ZNF385D: variants seen among roughly 807,000 people sequenced by gnomAD.
The protein encoded by ZNF385D is zinc finger protein 659.
A neutral mutation model predicts 35.8 loss-of-function variants in ZNF385D; 15 were observed. The ratio of observed to expected loss-of-function variants is 0.42; its 90% CI spans 0.28 to 0.64. The LOEUF (loss-of-function observed/expected upper bound fraction) is 0.64. Among genes scored for constraint, ZNF385D ranks in the 30% least tolerant of loss-of-function variants. The pLI, the probability that ZNF385D is intolerant of heterozygous loss-of-function variation, is 0.23. For missense variants in ZNF385D, 474 were observed against 494.6 expected (o/e 0.96, Z 0.39); for synonymous variants, 212 against 186.8 (o/e 1.13, Z -1.10).
At chr3:22,014,841 C>A (rs1455307042) in intron 3 of ZNF385D, among the ~76,000 whole-genome samples, 2 of 151,968 alleles carry the variant, frequency 1.3e-5, no homozygotes, top group African/African-American at 2.4e-5. Context: ...AAAAGTAATT[C>A]TTTGTAAACT....
At chr3:21,553,614 T>G (rs999521911) in intron 3 of ZNF385D, among the ~76,000 whole-genome samples, 1 of 152,188 alleles carries the variant, frequency 6.6e-6, no homozygotes, top group Non-Finnish European at 1.5e-5. Context: ...TAGAACTCTT[T>G]TCACAAAATA....
chr3:22,125,960 G>C (rs1340991815), intron 3 of ZNF385D, among the ~76,000 whole-genome samples: 1 of 152,050 alleles, frequency 6.6e-6, no homozygotes, highest in Non-Finnish European at 1.5e-5. Context: ...TTGAATAACA[G>C]TGGTGACAGT....
upstream of ZNF385D, among the ~76,000 whole-genome samples, chr3:21,752,891 G>A (rs1203435789): frequency 6.6e-6 from 1 of 152,128 alleles, no homozygotes; most frequent in Non-Finnish European, 1.5e-5. Context: ...TCAGGCAAAA[G>A]AACCATCTGT....
chr3:22,066,473 T>TGTGG (rs201478894), intron 3 of ZNF385D, among the ~76,000 whole-genome samples: 10,719 of 143,548 alleles, frequency 0.075, 672 homozygotes, highest in Admixed American at 0.15. Context: ...TGTGTGTGTG[T>TGTGG]GTGTGTGTGT....
chr3:21,639,588 T>C (rs1381245128), intron 2 of ZNF385D, among the ~76,000 whole-genome samples: 1 of 152,038 alleles, frequency 6.6e-6, no homozygotes, highest in Non-Finnish European at 1.5e-5. Context: ...ATTTGAAGAT[T>C]CCCTCATTGG....
intron 5 of ZNF385D, among the ~76,000 whole-genome samples, chr3:21,432,763 T>G (rs1283327201): frequency 1.4e-5 from 2 of 142,862 alleles, no homozygotes; most frequent in African/African-American, 5.3e-5. Flanking sequence ...ACTAGTTAGC[T>G]CAAAAGAGGT....
At chr3:22,293,812 C>T (rs547945918) in intron 2 of ZNF385D, among the ~76,000 whole-genome samples, 14 of 152,122 alleles carry the variant, frequency 9.2e-5, no homozygotes, top group Admixed American at 2.6e-4. Flanking sequence ...ACTACTGAAT[C>T]AGTATCCCTG....
intron 2 of ZNF385D, among the ~76,000 whole-genome samples, chr3:22,235,125 ATGTG>A (rs920734964): frequency 2.0e-5 from 3 of 151,864 alleles, no homozygotes; most frequent in Admixed American, 2.0e-4. Flanking sequence ...ATGTATGTGT[ATGTG>A]TGTGTGTGCA....
chr3:21,619,622 A>G (rs1304148058), intron 2 of ZNF385D, among the ~76,000 whole-genome samples: 1 of 152,140 alleles, frequency 6.6e-6, no homozygotes, highest in Non-Finnish European at 1.5e-5. Flanking sequence ...TTCCGTTAGA[A>G]ACTCCTTGAG....
At chr3:21,534,292 A>G (rs2061988285) in intron 3 of ZNF385D, among the ~76,000 whole-genome samples, 2 of 152,024 alleles carry the variant, frequency 1.3e-5, no homozygotes, top group Non-Finnish European at 2.9e-5. Flanking sequence ...TAGGTGCAAA[A>G]CTGAAACATT....
intron 3 of ZNF385D, among the ~76,000 whole-genome samples, chr3:21,987,718 C>T (rs1228796516): frequency 6.9e-6 from 1 of 145,906 alleles, no homozygotes; most frequent in Non-Finnish European, 1.5e-5. Context: ...ATTGGCCTGC[C>T]TTGCTAGGTT....
At chr3:21,691,452 C>A (rs1017014573) in intron 1 of ZNF385D, among the ~76,000 whole-genome samples, 2 of 152,084 alleles carry the variant, frequency 1.3e-5, no homozygotes, top group Non-Finnish European at 2.9e-5. Flanking sequence ...TACAAATCAC[C>A]CGTCAGACAC....
chr3:21,587,759 C>G (rs2063854182), intron 2 of ZNF385D, among the ~76,000 whole-genome samples: 1 of 151,994 alleles, frequency 6.6e-6, no homozygotes, highest in Non-Finnish European at 1.5e-5. Context: ...ACAGGGCTAC[C>G]ATTCCTGGGA....
At chr3:21,920,026 T>C (rs1266422362) in intron 3 of ZNF385D, among the ~76,000 whole-genome samples, 2 of 152,162 alleles carry the variant, frequency 1.3e-5, no homozygotes, top group African/African-American at 2.4e-5. Flanking sequence ...TTTCCAGGGG[T>C]TGAGAAAATA....
chr3:21,786,810 A>G (rs1272142453), intron 3 of ZNF385D, among the ~76,000 whole-genome samples: 2 of 152,314 alleles, frequency 1.3e-5, no homozygotes, highest in African/African-American at 2.4e-5. Flanking sequence ...TGTATAAACA[A>G]ACCTTATCTT....
chr3:22,254,319 A>G (rs1700206945), intron 2 of ZNF385D, among the ~76,000 whole-genome samples: 1 of 151,924 alleles, frequency 6.6e-6, no homozygotes, highest in Non-Finnish European at 1.5e-5. Context: ...ACAAATATGT[A>G]TGTATATATT....
At chr3:22,029,160 C>G (rs1697751638) in intron 3 of ZNF385D, among the ~76,000 whole-genome samples, 1 of 152,164 alleles carries the variant, frequency 6.6e-6, no homozygotes, top group African/African-American at 2.4e-5. Flanking sequence ...TGATCGCCAC[C>G]TGGACACTTT....
intron 1 of ZNF385D, among the ~76,000 whole-genome samples, chr3:21,673,866 G>A (rs1422573841): frequency 6.6e-6 from 1 of 152,034 alleles, no homozygotes; most frequent in Non-Finnish European, 1.5e-5. Context: ...CCAACAAATT[G>A]TGTCAAAATC....
chr3:22,013,666 C>G (rs1331514624), intron 3 of ZNF385D, among the ~76,000 whole-genome samples: 1 of 152,054 alleles, frequency 6.6e-6, no homozygotes, highest in African/African-American at 2.4e-5. Flanking sequence ...AATGTCCAGC[C>G]AGACTAAAAA....
Sources: gnomAD v4.1 joint callset for allele counts (sites outside exome capture counted in the v4.1 genomes callset) on GRCh38, gnomAD v4.1.1 for gene constraint, MANE v1.5 for transcripts, NCBI Gene and HGNC (gene_info 2026-07-23, HGNC 2026-07-21) for gene names.